Variants in SDK2 observed in about 807,000 individuals in gnomAD.
SDK2 encodes sidekick cell adhesion molecule 2.
In SDK2, 105 loss-of-function variants were observed where a neutral mutation model predicts 253.9. The ratio of observed to expected loss-of-function variants is 0.41; its 90% CI spans 0.35 to 0.49. The LOEUF (loss-of-function observed/expected upper bound fraction) is 0.49. SDK2 is among the 20% of genes least tolerant of loss of function. The pLI is 0.06. For synonymous variants in SDK2, 1,249 were observed against 1,234.9 expected, an observed-to-expected ratio of 1.01 and a Z score of -0.24; for missense variants, 2,608 against 3,003.0, an observed-to-expected ratio of 0.87 and a Z score of 3.07.
At chr17:73,564,760 G>T (rs543671579) in intron 1 of SDK2, among the ~76,000 whole-genome samples, 7 of 152,228 alleles carry the variant, frequency 4.6e-5, no homozygotes, top group Admixed American at 3.9e-4. Context: ...GGGAGGCGGA[G>T]GTTGCAGTGG....
At chr17:73,630,897 C>T (rs747008070) in intron 1 of SDK2, among the ~76,000 whole-genome samples, 30 of 152,188 alleles carry the variant, frequency 2.0e-4, no homozygotes, top group Middle Eastern at 6.8e-3. Context: ...TGAAGCAGAA[C>T]GGTGTTCCTT....
At chr17:73,342,232 G>A (rs1005525651) in intron 44 of SDK2, among the ~76,000 whole-genome samples, 5 of 150,416 alleles carry the variant, frequency 3.3e-5, no homozygotes, top group South Asian at 2.1e-4. Flanking sequence ...ACACTCCCCC[G>A]CCAGGACCTC....
chr17:73,359,796 C>T (rs1409384847), intron 39 of SDK2, among the ~76,000 whole-genome samples: 1 of 152,174 alleles, frequency 6.6e-6, no homozygotes, highest in Non-Finnish European at 1.5e-5. Context: ...CAGGTATTCA[C>T]CAGTATGCCT....
At chr17:73,474,501 C>T (rs56150185) in intron 2 of SDK2, among the ~76,000 whole-genome samples, 48,798 of 152,186 alleles carry the variant, frequency 0.32, 9,101 homozygotes, top group East Asian at 0.41. Context: ...GTGCCAAGTT[C>T]GCTCTGGCTC....
chr17:73,421,477 C>T (rs118057283), intron 15 of SDK2, among the ~76,000 whole-genome samples: 2,652 of 151,896 alleles, frequency 0.017, 43 homozygotes, highest in South Asian at 0.034. Flanking sequence ...GCTTGTTCTA[C>T]GGAGCTGGAG....
intron 1 of SDK2, among the ~76,000 whole-genome samples, chr17:73,603,749 G>C (rs1174677993): frequency 6.6e-6 from 1 of 152,246 alleles, no homozygotes. Context: ...GGTTAAGAAA[G>C]TTGCCAGGGG....
chr17:73,369,167 G>A (rs982040115), intron 36 of SDK2: 5 of 470,964 alleles, frequency 1.1e-5, no homozygotes, highest in Admixed American at 2.3e-5. Flanking sequence ...TTACCATAGC[G>A]CTGGCACATC....
chr17:73,434,211 C>T (rs1423448536), intron 9 of SDK2, among the ~76,000 whole-genome samples: 1 of 152,230 alleles, frequency 6.6e-6, no homozygotes, highest in East Asian at 1.9e-4. Context: ...AAGGAAGGCT[C>T]TGGCTTCTTA....
At position 73,368,392 on chromosome 17, in the gene SDK2, G is replaced by A. The variant is rs978217532; in HGVS notation, c.5167+15C>T. 2.0e-6 allele frequency: 3 copies of A among 1,495,492 alleles called. No individual in the cohort carries two copies. 92.6% of individuals were successfully genotyped at this position (1,495,492 alleles called of 1,614,324 possible). A position where few individuals can be genotyped will look rare whatever the true frequency, so the allele number is the denominator to read the frequency against. On this transcript the variant is annotated intron_variant, in intron 37 of 44. Coordinates refer to ENST00000392650, the MANE Select transcript of SDK2 (RefSeq NM_001144952.2). ...GCCGACCTACCCCTCCCCTCCTCAGGGCCCCCTCTCCCACCTGCTTGCTGG... is the reference window on the plus strand; with the variant it reads ...GCCGACCTACCCCTCCCCTCCTCAGAGCCCCCTCTCCCACCTGCTTGCTGG...
intron 31 of SDK2, 29 bp downstream of exon 31, chr17:73,386,416 A>T: frequency 6.9e-7 from 1 of 1,442,952 alleles, no homozygotes; most frequent in Non-Finnish European, 9.5e-7. Context: ...GTGGGCTGAG[A>T]GAGAGACTGC....
intron 1 of SDK2, among the ~76,000 whole-genome samples, chr17:73,623,966 C>T (rs1213095976): frequency 6.6e-6 from 1 of 152,192 alleles, no homozygotes; most frequent in Non-Finnish European, 1.5e-5. Flanking sequence ...AGACCATTAA[C>T]AAAGCAGGGC....
intron 3 of SDK2, 61 bp from the exon 4 acceptor site, chr17:73,456,114 G>A: frequency 1.4e-6 from 2 of 1,413,922 alleles, no homozygotes; most frequent in Non-Finnish European, 1.9e-6. Context: ...GGACTGCCCA[G>A]CTCCCAGGTT....
chr17:73,408,716 AAG>A (rs747622835), intron 18 of SDK2, among the ~76,000 whole-genome samples: 5 of 152,182 alleles, frequency 3.3e-5, no homozygotes, highest in African/African-American at 4.8e-5. Context: ...AATTACAAGA[AAG>A]AGAAAGGGAG....
intron 3 of SDK2, among the ~76,000 whole-genome samples, chr17:73,457,806 C>T (rs149343463): frequency 6.6e-6 from 1 of 152,162 alleles, no homozygotes; most frequent in Non-Finnish European, 1.5e-5. Flanking sequence ...GCTACCGGGT[C>T]CCCTCCTACT....
Position 73,643,961 on chromosome 17 carries a change from G to GCCC in SDK2, c.64+63_64+64insGGG. The GCCC allele has an allele frequency of 3.9e-6, 2 of 514,828 alleles. No individual in the cohort carries two copies. Among genetic ancestry groups the GCCC allele is most frequent in the Non-Finnish European group, 3.8e-6 (1 of 262,946 alleles). 31.9% of individuals were successfully genotyped at this position (514,828 alleles called of 1,614,324 possible). ...GTCACCGTGAGGCCGGCCAGCTCCC[G>GCCC]CCGCCCCTCCCCCGCCCACTCTCCC... On this transcript the variant is annotated intron_variant, in intron 1 of 44. Coordinates refer to ENST00000392650, the MANE Select transcript of SDK2 (RefSeq NM_001144952.2). The surrounding 1 kb of genome is among the most constrained non-coding windows in gnomAD (Gnocchi z 6.9).
At chr17:73,512,906 T>C (rs1301742108) in intron 1 of SDK2, among the ~76,000 whole-genome samples, 1 of 151,916 alleles carries the variant, frequency 6.6e-6, no homozygotes, top group African/African-American at 2.4e-5. Flanking sequence ...CATTTGGGGA[T>C]AAAAAAATAA....
chr17:73,391,529 G>A lies in SDK2; in HGVS notation c.3908C>T (p.Pro1303Leu). The change falls in exon 28 of 45, where the codon CCA (proline) becomes CTA (leucine). Residue 1303 changes from proline (P) to leucine (L), a missense_variant. Pro to Leu is a moderately conservative substitution (Grantham distance 98). Transcript: ENST00000392650. ...LERTLDDVPGPPMGILFPEVR... is the reference protein window; with the variant it reads ...LERTLDDVPGLPMGILFPEVR... ...CTCTGGGAACAGGATGCCCATGGGT[G>A]GTCCTGGGACTGGAGGGGGCAAAGG... is the stretch of plus-strand genomic sequence containing the variant. 7.7e-7 allele frequency: 1 copy of A among 1,298,780 alleles called. No individual in the cohort carries two copies. The highest frequency in any genetic ancestry group is 9.8e-7 in the Non-Finnish European group (1 of 1,015,654). The allele number at this position is 1,298,780 out of a possible 1,614,324, so 80.5% of individuals were successfully genotyped here. A position where few individuals can be genotyped will look rare whatever the true frequency, so the allele number is the denominator to read the frequency against.
rs1259041672 is a variant in SDK2 at position 73,481,465 on chromosome 17, T to C, written c.225-9247A>G. ...CTGGGTGTGTCTGTGAGGGTGTTTC[T>C]AGAAGAGATCAGTATTTGGATCAGC... On this transcript the variant is annotated intron_variant, in intron 2 of 44. Transcript: ENST00000392650. The surrounding 1 kb of genome is among the most constrained non-coding windows in gnomAD (Gnocchi z 4.5). Among the ~76,000 whole-genome samples, 2 of 152,062 alleles carry C rather than the reference T, an allele frequency of 1.3e-5. No homozygotes were observed. The highest frequency in any genetic ancestry group is 1.9e-4 in the East Asian group (1 of 5,178).
chr17:73,534,338 C>T lies in SDK2; in HGVS notation c.65-26741G>A, dbSNP rs115905381. Among the ~76,000 whole-genome samples, 328 of 152,240 alleles carry T rather than the reference C, an allele frequency of 2.2e-3. 1 individual carries two copies. The highest frequency in any genetic ancestry group is 7.5e-3 in the African/African-American group (310 of 41,530). On this transcript the variant is annotated intron_variant, in intron 1 of 44. Transcript: ENST00000392650. This position sits in a 1 kb window ranked among gnomAD's most constrained non-coding sequence, Gnocchi z 4.9. Reference sequence around the variant, plus strand: ...CTGGCGGCAGGGAGACACAGCTGTCCATGATTCTGAGGAAGGTGGCACTGG... The same window carrying T: ...CTGGCGGCAGGGAGACACAGCTGTCTATGATTCTGAGGAAGGTGGCACTGG...
Sources: allele counts gnomAD v4.1 joint callset (sites outside exome capture counted in the v4.1 genomes callset), GRCh38; gene constraint gnomAD v4.1.1; non-coding constraint Gnocchi (gnomAD v3.1); transcripts MANE v1.5; gene names NCBI Gene and HGNC (gene_info 2026-07-23, HGNC 2026-07-21).